CDR2L: variants seen among roughly 807,000 people sequenced by gnomAD.
CDR2L encodes cerebellar degeneration-related protein 2-like.
CDR2L carries 19 observed loss-of-function variants against 36.1 expected under a neutral mutation model. The observed-to-expected ratio is 0.53, with a 90% CI of 0.37 to 0.77. CDR2L has a LOEUF of 0.77. Among genes scored for constraint, CDR2L ranks in the 30% least tolerant of loss-of-function variants. The probability of loss-of-function intolerance (pLI) is 0.00; values close to 1 mark genes in which losing one functional copy is unlikely to be tolerated. For missense variants in CDR2L, 575 were observed against 627.2 expected (o/e 0.92, Z 0.89); for synonymous variants, 285 against 280.4 (o/e 1.02, Z -0.16).
intron 1 of CDR2L, 30 bp downstream of exon 1, chr17:74,988,152 G>A: frequency 6.9e-7 from 1 of 1,451,496 alleles, no homozygotes. Flanking sequence ...GGACAGGAAG[G>A]CGGGGAGCGC....
chr17:75,003,991 C>T lies in CDR2L; in HGVS notation c.1315C>T (p.Leu439Phe). The change falls in exon 5 of 5, where the codon CTC becomes TTC. Residue 439 changes from leucine to phenylalanine, a missense_variant. Physicochemically the swap from Leu to Phe is conservative, Grantham distance 22. Coordinates refer to ENST00000337231, the MANE Select transcript of CDR2L (RefSeq NM_014603.3). ...ACAGAGCCAGCCCGAGTACAAGGCG[C>T]TCTTCAAAGAGATCTTCTCCAGGAT... ...LEQSQPEYKALFKEIFSRIQK... is the reference protein window; with the variant it reads ...LEQSQPEYKAFFKEIFSRIQK... 1 of 1,610,032 alleles carries T rather than the reference C, an allele frequency of 6.2e-7. No homozygotes were observed. Among genetic ancestry groups the T allele is most frequent in the Non-Finnish European group, 8.5e-7 (1 of 1,178,330 alleles).
intron 1 of CDR2L, among the ~76,000 whole-genome samples, chr17:74,991,232 G>A (rs144570225): frequency 0.029 from 4,427 of 151,454 alleles, 212 homozygotes; most frequent in African/African-American, 0.1. Context: ...GAGAAACCCC[G>A]TCTCTACTAA....
intron 1 of CDR2L, among the ~76,000 whole-genome samples, chr17:74,993,280 A>G (rs1370824018): frequency 6.6e-6 from 1 of 151,142 alleles, no homozygotes; most frequent in Admixed American, 6.6e-5. Context: ...CTGTAGTTCA[A>G]TCTTTTTTTT....
intron 1 of CDR2L, among the ~76,000 whole-genome samples, chr17:74,992,120 C>G (rs890701502): frequency 2.0e-5 from 3 of 152,044 alleles, no homozygotes; most frequent in African/African-American, 7.2e-5. Flanking sequence ...CTTTGTCCTC[C>G]CTGAAAATGT....
In CDR2L at chr17:75,001,364, G is replaced by T. The variant is rs147493425; in HGVS notation, c.216G>T (p.Thr72=). The T allele has an allele frequency of 3.2e-5, 51 of 1,609,860 alleles. 1 individual carries two copies. In the South Asian group the frequency reaches 5.6e-4, roughly 18 times the overall value. The change falls in exon 3 of 5, where the codon ACG becomes ACT. Residue 72 remains threonine, a synonymous_variant. Transcript: ENST00000337231. ...AGTACCTAACCAAGCAGCTGGACAC[G>T]CTGCGGCACGTGAACGAGCAGCACG... is the stretch of plus-strand genomic sequence containing the variant. ...EIEYLTKQLD[T]LRHVNEQHAK...
chr17:75,002,711 G>A lies in CDR2L; in HGVS notation c.507-472G>A, dbSNP rs911448556. 1.6e-4 allele frequency among the ~76,000 whole-genome samples: 24 copies of A among 152,226 alleles called. No homozygotes were observed. Among genetic ancestry groups the A allele is most frequent in the Admixed American group, 6.5e-5 (1 of 15,286 alleles). On this transcript the variant is annotated intron_variant, in intron 4 of 4. Transcript: ENST00000337231. The surrounding 1 kb of genome is among the most constrained non-coding windows in gnomAD (Gnocchi z 4.1). ...TGGAGAAGTTAAATGAAGAAGAGGT[G>A]TGGGCAGGGGGTAGGGAAACCACAG... is the stretch of plus-strand genomic sequence containing the variant.
At position 75,004,005 on chromosome 17, in the gene CDR2L, C is replaced by A; in HGVS notation, c.1329C>A (p.Ile443=). ...QPEYKALFKE[I]FSRIQKTKAD... is the part of the protein sequence containing the mutation. ...AGTACAAGGCGCTCTTCAAAGAGAT[C>A]TTCTCCAGGATCCAGAAGACCAAGG... is the stretch of plus-strand genomic sequence containing the variant. Residue 443 remains isoleucine, a synonymous_variant, in exon 5 of 5, where the codon ATC becomes ATA. Transcript: ENST00000337231. 1.2e-6 allele frequency: 2 copies of A among 1,610,548 alleles called. No individual in the cohort carries two copies. Among genetic ancestry groups the A allele is most frequent in the South Asian group, 1.1e-5 (1 of 90,478 alleles).
At chr17:75,001,224 A>T in intron 2 of CDR2L, 117 bp from the exon 3 acceptor site, 1 of 1,123,762 alleles carries the variant, frequency 8.9e-7, no homozygotes. Flanking sequence ...ACACAGTGAG[A>T]CTCTGTATCA....
rs1362569550 is a variant in CDR2L, at chr17:75,002,377, C to T, written c.506+149C>T. On this transcript the variant is annotated intron_variant, in intron 4 of 4. Coordinates refer to ENST00000337231, the MANE Select transcript of CDR2L (RefSeq NM_014603.3). This position sits in a 1 kb window ranked among gnomAD's most constrained non-coding sequence, Gnocchi z 4.1. ...TGACAGTCACAGCAGCTGGCGTTTA[C>T]TGAGCCCTGGCTGTGTGCTGCCACT... The T allele has an allele frequency of 2.9e-6, 2 of 696,986 alleles. No individual in the cohort carries two copies. Among genetic ancestry groups the T allele is most frequent in the Admixed American group, 3.1e-5 (1 of 32,612 alleles). The allele number at this position is 696,986 out of a possible 1,614,324, so 43.2% of individuals were successfully genotyped here. A position where few individuals can be genotyped will look rare whatever the true frequency, so the allele number is the denominator to read the frequency against.
chr17:74,999,571 G>A lies in CDR2L; in HGVS notation c.147G>A (p.Leu49=). ...GGAACAAGGAGCTGGAGGGGTCCCT[G>A]CAGCAGATGTACTCCACCAATGAGG... ...LERNKELEGS[L]QQMYSTNEEQ... is the part of the protein sequence containing the mutation. The change falls in exon 2 of 5, where the codon CTG becomes CTA. Residue 49 remains leucine, a synonymous_variant. Transcript: ENST00000337231. 2 of 1,587,238 alleles carry A rather than the reference G, an allele frequency of 1.3e-6. No homozygotes were observed. Among genetic ancestry groups the A allele is most frequent in the Middle Eastern group, 1.7e-4 (1 of 6,038 alleles).
chr17:74,997,051 T>A, intron 1 of CDR2L, among the ~76,000 whole-genome samples: 1 of 9,148 alleles, frequency 1.1e-4, no homozygotes, highest in African/African-American at 1.5e-4. Context: ...TTTCTTTCTT[T>A]CTTTCTTTCT....
intron 1 of CDR2L, among the ~76,000 whole-genome samples, chr17:74,997,584 G>A (rs1441495952): frequency 6.6e-6 from 1 of 151,614 alleles, no homozygotes. Flanking sequence ...ATATTCATGA[G>A]CAAAACATAA....
intron 1 of CDR2L, among the ~76,000 whole-genome samples, chr17:74,991,603 G>A (rs1215042287): frequency 6.6e-6 from 1 of 151,786 alleles, no homozygotes; most frequent in Non-Finnish European, 1.5e-5. Context: ...TGTAGTCCCA[G>A]CTACTCGGGA....
rs114373096 is a variant in CDR2L, at chr17:75,004,436, T to G, written c.*362T>G. 0.046 allele frequency: 8,922 copies of G among 195,790 alleles called. 616 individuals are homozygous for G. The highest frequency in any genetic ancestry group is 0.16 in the African/African-American group (7,002 of 42,728). 12.1% of individuals were successfully genotyped at this position (195,790 alleles called of 1,614,324 possible). The stretch of plus-strand genomic sequence containing the variant: ...ATTCTGGATCAGTTGGCTTTTTTTT[T>G]TTTTTTGGTTAAGTTTGTTTTTTCT... On this transcript the variant is annotated 3_prime_UTR_variant, in exon 5 of 5. Transcript: ENST00000337231.
intron 3 of CDR2L, 100 bp downstream of exon 3, chr17:75,001,589 TC>T: frequency 8.9e-7 from 1 of 1,119,896 alleles, no homozygotes; most frequent in South Asian, 2.0e-5. Flanking sequence ...TGTGCACGTC[TC>T]CCTAGGAACC....
Position 75,003,957 on chromosome 17 carries a change from G to C in CDR2L, c.1281G>C (p.Lys427Asn). The C allele has an allele frequency of 5.0e-6, 8 of 1,610,670 alleles. No individual in the cohort carries two copies. The highest frequency in any genetic ancestry group is 6.8e-6 in the Non-Finnish European group (8 of 1,178,622). Reference protein sequence around the residue: ...SLSQHVEAVDKRLEQSQPEYK... With the variant: ...SLSQHVEAVDNRLEQSQPEYK... ...GCCAGCACGTGGAGGCCGTGGACAA[G>C]CGGCTGGAACAGAGCCAGCCCGAGT... The change falls in exon 5 of 5, where the codon AAG becomes AAC. Residue 427 changes from lysine to asparagine, a missense_variant. Coordinates refer to ENST00000337231, the MANE Select transcript of CDR2L (RefSeq NM_014603.3).
chr17:74,999,325 C>CACACACAA (rs368672422), intron 1 of CDR2L, among the ~76,000 whole-genome samples, 179 bp from the exon 2 acceptor site: 2,915 of 151,016 alleles, frequency 0.019, 109 homozygotes, highest in East Asian at 0.17. Flanking sequence ...CAGACACACA[C>CACACACAA]AAAAAGAACA....
At chr17:75,000,751 A>G (rs902482385) in intron 2 of CDR2L, among the ~76,000 whole-genome samples, 1 of 151,004 alleles carries the variant, frequency 6.6e-6, no homozygotes, top group Non-Finnish European at 1.5e-5. Context: ...CATCTCTACT[A>G]AAAATGCAAA....
intron 1 of CDR2L, among the ~76,000 whole-genome samples, chr17:74,988,691 T>C (rs1227598219): frequency 1.3e-5 from 2 of 152,172 alleles, no homozygotes; most frequent in African/African-American, 4.8e-5. Context: ...CCATCTGCCT[T>C]CGAGAGTCAG....
Sources: allele counts gnomAD v4.1 joint callset (sites outside exome capture counted in the v4.1 genomes callset), GRCh38; gene constraint gnomAD v4.1.1; non-coding constraint Gnocchi (gnomAD v3.1); transcripts MANE v1.5; gene names NCBI Gene and HGNC (gene_info 2026-07-23, HGNC 2026-07-21).